The following MPHOSPH9 variants were observed in gnomAD, a reference collection of about 807,000 sequenced individuals.
MPHOSPH9 encodes the protein M-phase phosphoprotein 9.
MPHOSPH9 carries 88 observed loss-of-function variants against 145.5 expected under a neutral mutation model. That is an observed-to-expected ratio of 0.60 (90% CI 0.51 to 0.72). MPHOSPH9 has a LOEUF of 0.72. Among genes scored for constraint, MPHOSPH9 ranks in the 30% least tolerant of loss-of-function variants. MPHOSPH9 has a pLI of 0.00. For synonymous variants in MPHOSPH9, 435 were observed against 486.2 expected (o/e 0.89, Z 1.39); for missense variants, 1,238 against 1,386.6 (o/e 0.89, Z 1.70).
rs1380374602 is a variant in MPHOSPH9, at chr12:123,203,319, T to A, written c.1251A>T (p.Lys417Asn). ...CAGGTAACTGCTTGTTTTCCCTTTG[T>A]TTTTTATAATAAATATCCTTCAGTG... ...LPSLKDIYYK[K>N]QRENKQLPER... The change falls in exon 9 of 24, where the codon AAA (lysine) becomes AAT (asparagine). Residue 417 changes from lysine (K) to asparagine (N), a missense_variant. By Grantham distance (94) the Lys-to-Asn change is moderately conservative. Transcript: ENST00000606320. The A allele has an allele frequency of 6.2e-7, 1 of 1,612,280 alleles. No individual in the cohort carries two copies. Among genetic ancestry groups the A allele is most frequent in the South Asian group, 1.1e-5 (1 of 91,010 alleles).
At chr12:123,163,227 G>A in intron 19 of MPHOSPH9, 93 bp from the exon 20 acceptor site, 5 of 1,303,524 alleles carry the variant, frequency 3.8e-6, no homozygotes, top group East Asian at 2.7e-5. Context: ...AATTTTGAAA[G>A]GAATATAATT....
At chr12:123,221,954 G>T in intron 4 of MPHOSPH9, 59 bp from the exon 5 acceptor site, 1 of 864,722 alleles carries the variant, frequency 1.2e-6, no homozygotes, top group Non-Finnish European at 1.7e-6. Flanking sequence ...ATATTTTTAT[G>T]ACTGTTACAA....
intron 16 of MPHOSPH9, among the ~76,000 whole-genome samples, chr12:123,169,130 A>G (rs959941379): frequency 6.6e-6 from 1 of 150,444 alleles, no homozygotes; most frequent in South Asian, 2.1e-4. Flanking sequence ...CTCGTGATCC[A>G]CCCACCTTGG....
intron 16 of MPHOSPH9, among the ~76,000 whole-genome samples, chr12:123,169,176 T>C (rs552316274): frequency 1.5e-4 from 23 of 148,558 alleles, no homozygotes; most frequent in Middle Eastern, 3.4e-3. Context: ...CGTGAGCCAC[T>C]GCGCCCGGCC....
chr12:123,227,661 A>C, intron 2 of MPHOSPH9, 45 bp from the exon 3 acceptor site: 1 of 1,444,754 alleles, frequency 6.9e-7, no homozygotes, highest in Non-Finnish European at 9.2e-7. Context: ...CATTCTATCA[A>C]AGTGTTGAAT....
chr12:123,186,227 CAA>C (rs35294099), intron 13 of MPHOSPH9, among the ~76,000 whole-genome samples: 67,713 of 102,172 alleles, frequency 0.66, 20,686 homozygotes, highest in Non-Finnish European at 0.7. Flanking sequence ...AACTCCGTCT[CAA>C]AAAAAAAAAA....
chr12:123,189,022 C>G (rs2045566948), intron 13 of MPHOSPH9, among the ~76,000 whole-genome samples: 1 of 152,078 alleles, frequency 6.6e-6, no homozygotes. Flanking sequence ...AATGACAGAG[C>G]AAGACTCTGT....
chr12:123,224,809 G>T (rs991078236), intron 3 of MPHOSPH9, among the ~76,000 whole-genome samples: 1 of 152,172 alleles, frequency 6.6e-6, no homozygotes, highest in Non-Finnish European at 1.5e-5. Context: ...CTCATGAGAA[G>T]TTGGTCACCC....
intron 13 of MPHOSPH9, among the ~76,000 whole-genome samples, chr12:123,190,264 T>C (rs2045620601): frequency 6.6e-6 from 1 of 151,896 alleles, no homozygotes; most frequent in Non-Finnish European, 1.5e-5. Flanking sequence ...ACCATTCTCC[T>C]GCCTCAGCCT....
In MPHOSPH9 at chr12:123,225,076, A is replaced by G. The variant is rs1214318814; in HGVS notation, c.259-1949T>C. Among the ~76,000 whole-genome samples the G allele has an allele frequency of 2.6e-5, 4 of 152,232 alleles. No individual in the cohort carries two copies. The East Asian group carries it at 7.7e-4, about 29-fold the overall frequency. On this transcript the variant is annotated intron_variant, in intron 3 of 23. Transcript: ENST00000606320. ...TATATTGATTTTTTAAAGCGGGTAA[A>G]GGTAGGTTATATTACCTATGAATTT...
At chr12:123,216,384 CT>C (rs1460812821) in intron 6 of MPHOSPH9, among the ~76,000 whole-genome samples, 3 of 152,144 alleles carry the variant, frequency 2.0e-5, no homozygotes, top group Non-Finnish European at 4.4e-5. Context: ...CTTATGACCT[CT>C]TTAATGGATC....
At chr12:123,203,452 A>G (rs2046304626) in intron 8 of MPHOSPH9, 77 bp from the exon 9 acceptor site, 1 of 1,345,426 alleles carries the variant, frequency 7.4e-7, no homozygotes, top group Non-Finnish European at 1.0e-6. Context: ...AGCACCATAA[A>G]AAGATTTTTG....
chr12:123,232,586 G>A (rs963939524), intron 1 of MPHOSPH9, among the ~76,000 whole-genome samples: 3 of 152,118 alleles, frequency 2.0e-5, no homozygotes, highest in Non-Finnish European at 4.4e-5. Context: ...ATTTCAGATG[G>A]GGATGAGGCC....
chr12:123,175,410 C>A (rs948460965), intron 16 of MPHOSPH9, among the ~76,000 whole-genome samples: 2 of 152,182 alleles, frequency 1.3e-5, no homozygotes, highest in Non-Finnish European at 2.9e-5. Flanking sequence ...GCCTCGGCCT[C>A]CCAAACTGCT....
rs1313749630 is a variant in MPHOSPH9, at chr12:123,221,419, A to G, written c.825T>C (p.Phe275=). Residue 275 remains phenylalanine (F), a synonymous_variant, in exon 5 of 24, where the codon TTT becomes TTC. Transcript: ENST00000606320. ...SISPGEFEHN[F]LGENKVSEVY... is the part of the protein sequence containing the mutation. The stretch of plus-strand genomic sequence containing the variant: ...CTTCAGAAACCTTATTTTCACCAAG[A>G]AAATTATGTTCAAATTCACCAGGAG... The G allele has an allele frequency of 6.2e-7, 1 of 1,609,810 alleles. No individual in the cohort carries two copies. The highest frequency in any genetic ancestry group is 1.1e-5 in the South Asian group (1 of 89,946).
chr12:123,238,000 A>G (rs1360912197), upstream of MPHOSPH9, among the ~76,000 whole-genome samples: 2 of 151,448 alleles, frequency 1.3e-5, no homozygotes, highest in Non-Finnish European at 2.9e-5. Flanking sequence ...GGTTGAATCC[A>G]TTATTCTGCT....
Position 123,202,765 on chromosome 12 carries a change from A to G in MPHOSPH9, c.1640T>C (p.Ile547Thr), listed in dbSNP as rs1206677248. 5.6e-6 allele frequency: 9 copies of G among 1,614,076 alleles called. No homozygotes were observed. The highest frequency in any genetic ancestry group is 3.3e-5 in the South Asian group (3 of 91,090). ...TTCTTCATCTACAGTGTTGACCGAG[A>G]TATCATTACTAGTAATGGTATATAC... ...PSVYTITSND[I>T]SVNTVDEENT... The change falls in exon 10 of 24, where the codon ATC becomes ACC. Residue 547 changes from isoleucine to threonine, a missense_variant. Physicochemically the swap from Ile to Thr is moderately conservative, Grantham distance 89. Transcript: ENST00000606320.
intron 13 of MPHOSPH9, 130 bp from the exon 14 acceptor site, chr12:123,181,340 A>C: frequency 1.5e-6 from 1 of 671,102 alleles, no homozygotes; most frequent in South Asian, 1.8e-5. Context: ...AGGTCAATAG[A>C]GAACTGGTGA....
chr12:123,156,739 CCTTTT>C lies in MPHOSPH9; in HGVS notation c.*63_*67del. The C allele has an allele frequency of 7.9e-7, 1 of 1,271,660 alleles. No homozygotes were observed. The highest frequency in any genetic ancestry group is 1.1e-6 in the Non-Finnish European group (1 of 888,520). The allele number at this position is 1,271,660 out of a possible 1,614,324, so 78.8% of individuals were successfully genotyped here. On this transcript the variant is annotated 3_prime_UTR_variant, in exon 24 of 24. Coordinates refer to ENST00000606320, the MANE Select transcript of MPHOSPH9 (RefSeq NM_022782.4). ...CTTATAAACAGTACAAAATAGTTTG[CCTTTT>C]CTGACTGCATAATTATACATTAGTG...
Sources: allele counts gnomAD v4.1 joint callset (sites outside exome capture counted in the v4.1 genomes callset), GRCh38; gene constraint gnomAD v4.1.1; transcripts MANE v1.5; gene names NCBI Gene and HGNC (gene_info 2026-07-23, HGNC 2026-07-21).